The following KIF16B variants were observed in gnomAD, a reference collection of about 807,000 sequenced individuals.
The protein encoded by KIF16B is kinesin family member 16B.
A neutral mutation model predicts 156.3 loss-of-function variants in KIF16B; 98 were observed. The ratio of observed to expected loss-of-function variants is 0.63; its 90% CI spans 0.53 to 0.74. The LOEUF (loss-of-function observed/expected upper bound fraction) is 0.74, where lower values mean the gene tolerates loss of function less well. KIF16B is among the 30% of genes least tolerant of loss of function. The pLI, the probability that KIF16B is intolerant of heterozygous loss-of-function variation, is 0.00. For missense variants in KIF16B, 1,421 were observed against 1,606.5 expected (o/e 0.88, Z 1.97); for synonymous variants, 564 against 583.7 (o/e 0.97, Z 0.49).
At chr20:16,396,072 T>C (rs755471650) in intron 17 of KIF16B, among the ~76,000 whole-genome samples, 5 of 152,108 alleles carry the variant, frequency 3.3e-5, no homozygotes, top group African/African-American at 7.2e-5. Flanking sequence ...CTTGTGATAG[T>C]TAAAAAACAG....
rs975833692 is a variant in KIF16B, at chr20:16,564,096, G to A, written c.47+9133C>T. Among the ~76,000 whole-genome samples, 5 of 152,118 alleles carry A rather than the reference G, an allele frequency of 3.3e-5. No homozygotes were observed. In the East Asian group the frequency reaches 7.7e-4, roughly 23 times the overall value. On this transcript the variant is annotated intron_variant, in intron 1 of 25. Transcript: ENST00000354981. Reference sequence around the variant, plus strand: ...CAAACAAAAAAATCTGTCTTCTGCTGAGCCTGGGTTTGTCATGTCCAGGTA... The same window carrying A: ...CAAACAAAAAAATCTGTCTTCTGCTAAGCCTGGGTTTGTCATGTCCAGGTA...
At chr20:16,490,823 A>G (rs1186960249) in intron 12 of KIF16B, among the ~76,000 whole-genome samples, 6 of 152,082 alleles carry the variant, frequency 3.9e-5, no homozygotes, top group African/African-American at 1.4e-4. Flanking sequence ...AAAGGTTTTT[A>G]TTTTTGTTTC....
Position 16,409,980 on chromosome 20 carries a change from TATATATATATATGTAGGTAC to T in KIF16B, c.1613-3544_1613-3525del, listed in dbSNP as rs1383035898. 3.1e-3 allele frequency among the ~76,000 whole-genome samples: 323 copies of T among 102,998 alleles called. 12 individuals are homozygous for T. Among genetic ancestry groups the T allele is most frequent in the Middle Eastern group, 0.015 (3 of 204 alleles). The allele number at this position is 102,998 out of a possible 152,430, so 67.6% of individuals were successfully genotyped here. The stretch of plus-strand genomic sequence containing the variant: ...ATATATATATATATACATATATATA[TATATATATATATGTAGGTAC>T]ATATATATATGTAGGTACATATATA... On this transcript the variant is annotated intron_variant, in intron 15 of 25. Coordinates refer to ENST00000354981, the MANE Select transcript of KIF16B (RefSeq NM_024704.5).
intron 7 of KIF16B, among the ~76,000 whole-genome samples, chr20:16,506,645 C>A (rs1039742462): frequency 1.3e-5 from 2 of 152,174 alleles, no homozygotes; most frequent in Non-Finnish European, 2.9e-5. Context: ...CAAATTATTT[C>A]TTTTAATGTA....
intron 12 of KIF16B, among the ~76,000 whole-genome samples, chr20:16,436,991 C>T (rs1175050291): frequency 6.6e-6 from 1 of 152,162 alleles, no homozygotes; most frequent in East Asian, 1.9e-4. Flanking sequence ...ATGCTCAAGT[C>T]TCTCACGTAA....
At chr20:16,527,470 T>C (rs2069589060) in intron 2 of KIF16B, among the ~76,000 whole-genome samples, 1 of 152,238 alleles carries the variant, frequency 6.6e-6, no homozygotes, top group African/African-American at 2.4e-5. Context: ...GACTTGGCCA[T>C]GGAGCATCAT....
chr20:16,382,092 C>T (rs2065110154), intron 17 of KIF16B: 1 of 1,349,710 alleles, frequency 7.4e-7, no homozygotes, highest in Non-Finnish European at 9.9e-7. Context: ...AATGGAGAAT[C>T]TCTACCTTAG....
At position 16,505,712 on chromosome 20, in the gene KIF16B, A is replaced by C; in HGVS notation, c.1000+10T>G. ...ATTGTATGCTCAGAAAAGTAACTTA[A>C]AACTCTTACTGGCAATCATGATAGT... On this transcript the variant is annotated intron_variant, in intron 9 of 25. Transcript: ENST00000354981. 1 of 1,610,176 alleles carries C rather than the reference A, an allele frequency of 6.2e-7. No individual in the cohort carries two copies. The highest frequency in any genetic ancestry group is 1.1e-5 in the South Asian group (1 of 90,508).
At chr20:16,530,620 G>A (rs73101050) in intron 1 of KIF16B, among the ~76,000 whole-genome samples, 17,501 of 152,164 alleles carry the variant, frequency 0.12, 1,082 homozygotes, top group South Asian at 0.17. Flanking sequence ...GGGGAGAGCC[G>A]GAGTCAGAGG....
intron 13 of KIF16B, among the ~76,000 whole-genome samples, chr20:16,429,329 T>C (rs2066438561): frequency 6.6e-6 from 1 of 152,190 alleles, no homozygotes; most frequent in Non-Finnish European, 1.5e-5. Context: ...AGATATAGTT[T>C]ATGTAAGTCT....
chr20:16,526,038 G>A, intron 3 of KIF16B, 54 bp downstream of exon 3: 1 of 1,034,962 alleles, frequency 9.7e-7, no homozygotes, highest in South Asian at 1.5e-5. Flanking sequence ...GGGTAGGCAT[G>A]TTTTTCTCAA....
intron 12 of KIF16B, among the ~76,000 whole-genome samples, chr20:16,478,578 C>T (rs2067884971): frequency 6.6e-6 from 1 of 152,280 alleles, no homozygotes; most frequent in Admixed American, 6.5e-5. Flanking sequence ...CACCTTCTCG[C>T]CCAGGACACA....
At chr20:16,387,048 A>T (rs1408587783) in intron 17 of KIF16B, among the ~76,000 whole-genome samples, 1 of 152,204 alleles carries the variant, frequency 6.6e-6, no homozygotes, top group Non-Finnish European at 1.5e-5. Context: ...CAAAGCAGAC[A>T]TGGGATTCAA....
At chr20:16,556,308 A>C (rs2070845237) in intron 1 of KIF16B, among the ~76,000 whole-genome samples, 1 of 152,208 alleles carries the variant, frequency 6.6e-6, no homozygotes, top group East Asian at 1.9e-4. Flanking sequence ...GGCTCTCCAC[A>C]TTCTCACACC....
At chr20:16,428,820 T>C in intron 14 of KIF16B, 133 bp downstream of exon 14, 2 of 713,706 alleles carry the variant, frequency 2.8e-6, no homozygotes, top group South Asian at 1.7e-5. Flanking sequence ...TATACGTACA[T>C]ACTGACCAAC....
At chr20:16,398,742 C>T (rs2065575951) in intron 17 of KIF16B, among the ~76,000 whole-genome samples, 1 of 152,048 alleles carries the variant, frequency 6.6e-6, no homozygotes, top group Non-Finnish European at 1.5e-5. Context: ...TCATGTAGAG[C>T]CAATTGCGGA....
At chr20:16,492,505 T>C (rs1395877435) in intron 12 of KIF16B, among the ~76,000 whole-genome samples, 2 of 152,220 alleles carry the variant, frequency 1.3e-5, no homozygotes, top group Non-Finnish European at 2.9e-5. Context: ...TCCCTTCTCC[T>C]ATGAAAAGTC....
chr20:16,379,325 C>A lies in KIF16B; in HGVS notation c.2677G>T (p.Glu893Ter), dbSNP rs550614292. 3 of 1,606,510 alleles carry A rather than the reference C, an allele frequency of 1.9e-6. No homozygotes were observed. The highest frequency in any genetic ancestry group is 2.5e-6 in the Non-Finnish European group (3 of 1,177,174). ...CTGTACTCCACTGGCTTTATTTTCT[C>A]GAAATCTTGAGGCACTTCCGTGACA... ...TDVTEVPQDFEKIKPVEYRLQ... is the reference protein window; with the variant it reads ...TDVTEVPQDF The change falls in exon 19 of 26, where the codon GAG becomes TAG. Residue 893 changes from glutamate (E) to a stop codon, truncating the protein, a stop_gained. Transcript: ENST00000354981. LOFTEE classifies it high-confidence loss of function.
At chr20:16,396,098 C>T (rs558793876) in intron 17 of KIF16B, among the ~76,000 whole-genome samples, 2 of 152,276 alleles carry the variant, frequency 1.3e-5, no homozygotes, top group South Asian at 4.2e-4. Context: ...AAAATGCCTA[C>T]CACTAGACGT....
Sources: allele counts gnomAD v4.1 joint callset (sites outside exome capture counted in the v4.1 genomes callset), GRCh38; gene constraint gnomAD v4.1.1; transcripts MANE v1.5; gene names NCBI Gene and HGNC (gene_info 2026-07-23, HGNC 2026-07-21).